FAM168A: variants seen among roughly 807,000 people sequenced by gnomAD.
FAM168A encodes protein FAM168A.
FAM168A carries 3 observed loss-of-function variants against 28.5 expected under a neutral mutation model. The ratio of observed to expected loss-of-function variants is 0.11; its 90% CI spans 0.05 to 0.27. The LOEUF (loss-of-function observed/expected upper bound fraction) is 0.27. Among genes scored for constraint, FAM168A ranks in the 10% least tolerant of loss-of-function variants. The probability of loss-of-function intolerance (pLI) is 1.00; values close to 1 mark genes in which losing one functional copy is unlikely to be tolerated. For synonymous variants in FAM168A, 122 were observed against 124.2 expected, an observed-to-expected ratio of 0.98 and a Z score of 0.12; for missense variants, 222 against 311.5, an observed-to-expected ratio of 0.71 and a Z score of 2.16.
chr11:73,563,545 G>A (rs1943983634), intron 1 of FAM168A, among the ~76,000 whole-genome samples: 1 of 151,894 alleles, frequency 6.6e-6, no homozygotes, highest in Non-Finnish European at 1.5e-5. Flanking sequence ...ATTCTAAGGG[G>A]GTACACAATC....
chr11:73,585,158 G>A (rs999024639), intron 1 of FAM168A, among the ~76,000 whole-genome samples: 3 of 152,078 alleles, frequency 2.0e-5, no homozygotes, highest in Non-Finnish European at 2.9e-5. Context: ...CTCTAATAAA[G>A]GTGTTTTAAA....
At chr11:73,480,419 T>A (rs1295736798) in intron 1 of FAM168A, among the ~76,000 whole-genome samples, 2 of 151,940 alleles carry the variant, frequency 1.3e-5, no homozygotes, top group South Asian at 4.1e-4. Context: ...AGAACAAATT[T>A]CAGAGAACAC....
intron 1 of FAM168A, among the ~76,000 whole-genome samples, chr11:73,475,745 C>T (rs937746985): frequency 9.9e-5 from 15 of 152,138 alleles, no homozygotes; most frequent in African/African-American, 3.6e-4. Flanking sequence ...CCTGGGGCTG[C>T]CCTTATCCCA....
At chr11:73,547,492 G>C (rs1943774136) in intron 1 of FAM168A, among the ~76,000 whole-genome samples, 1 of 152,000 alleles carries the variant, frequency 6.6e-6, no homozygotes, top group Non-Finnish European at 1.5e-5. Context: ...ATAGTATAAA[G>C]CTTCCTCCAA....
intron 2 of FAM168A, among the ~76,000 whole-genome samples, chr11:73,444,272 A>G: frequency 6.6e-6 from 1 of 152,368 alleles, no homozygotes; most frequent in East Asian, 1.9e-4. Flanking sequence ...CCTTTTCATT[A>G]AAAGTTCCCT....
chr11:73,527,266 G>A (rs1943459279), intron 1 of FAM168A, among the ~76,000 whole-genome samples: 1 of 152,150 alleles, frequency 6.6e-6, no homozygotes, highest in South Asian at 2.1e-4. Flanking sequence ...CTAGATACAT[G>A]AATACCAGCA....
chr11:73,589,982 C>A (rs987969583), intron 1 of FAM168A, among the ~76,000 whole-genome samples: 2 of 152,086 alleles, frequency 1.3e-5, no homozygotes, highest in Admixed American at 1.3e-4. Context: ...ATATTCCATG[C>A]AAAACAACAA....
intron 2 of FAM168A, among the ~76,000 whole-genome samples, chr11:73,466,152 A>G (rs1010057170): frequency 7.9e-5 from 12 of 152,232 alleles, no homozygotes; most frequent in African/African-American, 2.9e-4. Context: ...AGCAGATGAC[A>G]GTACAATGGA....
intron 1 of FAM168A, among the ~76,000 whole-genome samples, chr11:73,504,195 A>T (rs1855064295): frequency 5.3e-5 from 8 of 152,354 alleles, no homozygotes; most frequent in Middle Eastern, 3.4e-3. Flanking sequence ...AGCAAAAGAA[A>T]CTATCATCGA....
In FAM168A at chr11:73,419,889, A is replaced by G; in HGVS notation, c.262T>C (p.Ser88Pro). The change falls in exon 4 of 8, where the codon TCC (serine) becomes CCC (proline). Residue 88 changes from serine to proline, a missense_variant. This residue lies in a region of FAM168A where 153 missense variants were observed against 189.2 expected (regional missense o/e 0.81). Transcript: ENST00000356467. The stretch of plus-strand genomic sequence containing the variant: ...CTGTATTTACTGAAAGCCGCAGAGG[A>G]TGCTTGGTAAGTTCGGTTCTCGGTC... ...TGTENRTYQA[S>P]SAAFRYTAGT... 1.2e-6 allele frequency: 2 copies of G among 1,614,036 alleles called. No homozygotes were observed. Among genetic ancestry groups the G allele is most frequent in the South Asian group, 1.1e-5 (1 of 91,064 alleles).
At chr11:73,515,597 A>C (rs1236077137) in intron 1 of FAM168A, among the ~76,000 whole-genome samples, 1 of 151,952 alleles carries the variant, frequency 6.6e-6, no homozygotes, top group Non-Finnish European at 1.5e-5. Flanking sequence ...CTATCTCATT[A>C]ACAACAACAA....
At chr11:73,415,407 G>T (rs1488615096) in intron 4 of FAM168A, among the ~76,000 whole-genome samples, 2 of 152,220 alleles carry the variant, frequency 1.3e-5, no homozygotes, top group Non-Finnish European at 1.5e-5. Context: ...GGTTCTCAAG[G>T]TTACCATTTG....
intron 1 of FAM168A, among the ~76,000 whole-genome samples, chr11:73,566,112 G>T (rs1944017970): frequency 6.6e-6 from 1 of 152,178 alleles, no homozygotes; most frequent in African/African-American, 2.4e-5. Flanking sequence ...AGTTTTAAGG[G>T]ATTAACACCA....
intron 2 of FAM168A, among the ~76,000 whole-genome samples, chr11:73,441,050 C>A (rs1174232145): frequency 6.7e-6 from 1 of 149,550 alleles, no homozygotes; most frequent in Non-Finnish European, 1.5e-5. Flanking sequence ...CATTTCATAC[C>A]TATCAGACAG....
At chr11:73,526,657 G>A (rs1013223439) in intron 1 of FAM168A, among the ~76,000 whole-genome samples, 5 of 151,962 alleles carry the variant, frequency 3.3e-5, no homozygotes, top group East Asian at 3.9e-4. Flanking sequence ...AAGGAAAACC[G>A]GTGAATATTC....
intron 1 of FAM168A, among the ~76,000 whole-genome samples, chr11:73,571,618 T>A (rs1019720911): frequency 2.6e-5 from 4 of 152,074 alleles, no homozygotes; most frequent in African/African-American, 4.8e-5. Flanking sequence ...CCCAGCCGCC[T>A]GCCTTGGCCT....
At chr11:73,595,027 C>T (rs1179918191) in intron 1 of FAM168A, among the ~76,000 whole-genome samples, 2 of 152,128 alleles carry the variant, frequency 1.3e-5, no homozygotes, top group Non-Finnish European at 2.9e-5. Context: ...AAACACATTA[C>T]TACTACACAG....
intron 1 of FAM168A, among the ~76,000 whole-genome samples, chr11:73,479,986 A>C (rs1867946196): frequency 6.6e-6 from 1 of 152,240 alleles, no homozygotes; most frequent in African/African-American, 2.4e-5. Context: ...TATATAAGAA[A>C]GCCATTTTTA....
chr11:73,536,571 C>T (rs1264811658), intron 1 of FAM168A, among the ~76,000 whole-genome samples: 3 of 152,038 alleles, frequency 2.0e-5, no homozygotes, highest in Non-Finnish European at 2.9e-5. Flanking sequence ...GCTGTAATCC[C>T]AGCTACTCGG....
Sources: allele counts gnomAD v4.1 joint callset (sites outside exome capture counted in the v4.1 genomes callset), GRCh38; gene constraint gnomAD v4.1.1; regional missense constraint gnomAD v4.1.1; transcripts MANE v1.5; gene names NCBI Gene and HGNC (gene_info 2026-07-23, HGNC 2026-07-21).